Variants in KIAA1217 observed in about 807,000 individuals in gnomAD.
KIAA1217 encodes KIAA1217.
Under a neutral mutation model 163.9 loss-of-function variants are expected in KIAA1217, and 88 were observed. That is an observed-to-expected ratio of 0.54 (90% CI 0.45 to 0.64). KIAA1217 has a LOEUF of 0.64. Ranked by LOEUF, KIAA1217 falls within the 30% of genes least tolerant of loss-of-function variation. The probability of loss-of-function intolerance (pLI) is 0.00; values close to 1 mark genes in which losing one functional copy is unlikely to be tolerated. For missense variants in KIAA1217, 2,372 were observed against 2,475.0 expected (o/e 0.96, Z 0.88); for synonymous variants, 903 against 923.1 (o/e 0.98, Z 0.39).
intron 1 of KIAA1217, among the ~76,000 whole-genome samples, chr10:23,904,266 G>A (rs759504908): frequency 6.6e-6 from 1 of 152,122 alleles, no homozygotes; most frequent in African/African-American, 2.4e-5. Context: ...ATTGATGATG[G>A]CAATGAAATG....
At position 23,836,617 on chromosome 10, in the gene KIAA1217, C is replaced by A. The variant is rs144483489; in HGVS notation, c.-321+141383C>A. On this transcript the variant is annotated intron_variant, in intron 1 of 18. Transcript: ENST00000376462. ...AATGAGGTCTTGGTTTTTAGTGTATCCATCATTAGAATAACGCACATTTTA... is the reference window on the plus strand; with the variant it reads ...AATGAGGTCTTGGTTTTTAGTGTATACATCATTAGAATAACGCACATTTTA... 4.6e-3 allele frequency among the ~76,000 whole-genome samples: 696 copies of A among 151,268 alleles called. 5 individuals carry two copies. Among genetic ancestry groups the A allele is most frequent in the African/African-American group, 0.016 (647 of 41,198 alleles).
At chr10:23,814,286 G>C (rs1020472020) in intron 1 of KIAA1217, among the ~76,000 whole-genome samples, 1 of 152,224 alleles carries the variant, frequency 6.6e-6, no homozygotes, top group East Asian at 1.9e-4. Flanking sequence ...TAATCTCCTC[G>C]AGGGCAGGGA....
intron 1 of KIAA1217, among the ~76,000 whole-genome samples, chr10:23,909,653 A>C (rs1589057309): frequency 6.6e-6 from 1 of 152,154 alleles, no homozygotes; most frequent in Admixed American, 6.5e-5. Context: ...ATAGTATTCC[A>C]TGGTGTATAT....
intron 2 of KIAA1217, among the ~76,000 whole-genome samples, chr10:24,312,553 A>G: frequency 6.6e-6 from 1 of 152,132 alleles, no homozygotes; most frequent in East Asian, 1.9e-4. Flanking sequence ...TGGGAAGCGG[A>G]GGTTGCAGTG....
chr10:24,486,159 C>T (rs2065367693), intron 6 of KIAA1217, among the ~76,000 whole-genome samples: 2 of 152,202 alleles, frequency 1.3e-5, no homozygotes, highest in Admixed American at 1.3e-4. Context: ...CAGTGGTCTC[C>T]CAAGAGGTCT....
At chr10:24,313,142 C>T (rs1241495834) in intron 2 of KIAA1217, among the ~76,000 whole-genome samples, 1 of 152,174 alleles carries the variant, frequency 6.6e-6, no homozygotes, top group Non-Finnish European at 1.5e-5. Flanking sequence ...TCTCTCCTCA[C>T]CGCGATCTCT....
In KIAA1217 at chr10:24,473,948, A is replaced by G. The variant is rs761270219; in HGVS notation, c.1567A>G (p.Lys523Glu). 1.2e-6 allele frequency: 2 copies of G among 1,614,150 alleles called. No homozygotes were observed. The highest frequency in any genetic ancestry group is 3.3e-5 in the Admixed American group (2 of 60,018). The change falls in exon 6 of 21, where the codon AAG becomes GAG. Residue 523 changes from lysine to glutamate, a missense_variant. Physicochemically the swap from Lys to Glu is moderately conservative, Grantham distance 56 (BLOSUM62 1). This residue lies in a region of KIAA1217 where 1,431 missense variants were observed against 1,470.3 expected (regional missense o/e 0.97). Coordinates refer to ENST00000376454, the MANE Select transcript of KIAA1217 (RefSeq NM_019590.5). ...KEPGTLVYIEKPRSAAGLSSL... is the reference protein window; with the variant it reads ...KEPGTLVYIEEPRSAAGLSSL... ...GCCAGGCACCTTGGTGTATATAGAA[A>G]AGCCACGGAGCGCTGCAGGATTATC...
At chr10:23,732,639 T>G (rs1838538825) in intron 1 of KIAA1217, among the ~76,000 whole-genome samples, 1 of 152,196 alleles carries the variant, frequency 6.6e-6, no homozygotes. Context: ...GTTTCCAATT[T>G]CATTGATGTC....
intron 16 of KIAA1217, 91 bp downstream of exon 16, chr10:24,533,328 A>T: frequency 3.0e-6 from 4 of 1,312,838 alleles, no homozygotes; most frequent in Non-Finnish European, 4.2e-6. Flanking sequence ...CGAGAAGGCC[A>T]GGGAAGCGCA....
At chr10:23,760,562 T>A (rs957451941) in intron 1 of KIAA1217, among the ~76,000 whole-genome samples, 2 of 152,310 alleles carry the variant, frequency 1.3e-5, no homozygotes, top group East Asian at 3.9e-4. Context: ...AAGTGTTATT[T>A]TGCCAATGCT....
At chr10:23,766,257 C>G (rs934749245) in intron 1 of KIAA1217, among the ~76,000 whole-genome samples, 1 of 151,696 alleles carries the variant, frequency 6.6e-6, no homozygotes, top group East Asian at 1.9e-4. Flanking sequence ...AGAGTGGATA[C>G]AGCAAAAATT....
intron 5 of KIAA1217, among the ~76,000 whole-genome samples, chr10:24,464,805 A>G (rs939006122): frequency 6.6e-6 from 1 of 152,190 alleles, no homozygotes; most frequent in Admixed American, 6.5e-5. Flanking sequence ...ATATGGGATA[A>G]CATGTCGAAC....
intron 2 of KIAA1217, among the ~76,000 whole-genome samples, chr10:24,169,278 T>C (rs776561304): frequency 6.6e-6 from 1 of 152,212 alleles, no homozygotes; most frequent in Non-Finnish European, 1.5e-5. Context: ...TTATGAGGCC[T>C]CAATGGTTTG....
chr10:23,892,366 T>C (rs1481928148), intron 1 of KIAA1217, among the ~76,000 whole-genome samples: 2 of 151,950 alleles, frequency 1.3e-5, no homozygotes, highest in East Asian at 3.9e-4. Flanking sequence ...TCTTTAAACT[T>C]AGGGAAATAA....
intron 1 of KIAA1217, among the ~76,000 whole-genome samples, chr10:23,709,168 A>G (rs1244293464): frequency 6.6e-6 from 1 of 152,128 alleles, no homozygotes; most frequent in Non-Finnish European, 1.5e-5. Flanking sequence ...GCCACTTGAC[A>G]CTTTGGATAT....
intron 2 of KIAA1217, among the ~76,000 whole-genome samples, chr10:24,332,543 C>A (rs2045820021): frequency 6.6e-6 from 1 of 151,466 alleles, no homozygotes; most frequent in Non-Finnish European, 1.5e-5. Flanking sequence ...AAGAGCAACT[C>A]CTGTCAGACT....
At chr10:24,213,126 A>G (rs892783784) in intron 1 of KIAA1217, among the ~76,000 whole-genome samples, 1 of 152,176 alleles carries the variant, frequency 6.6e-6, no homozygotes, top group Admixed American at 6.5e-5. Flanking sequence ...TGAAGCTTCC[A>G]TGGCTGAATA....
At chr10:24,415,110 C>CTTTTT (rs71397948) in intron 3 of KIAA1217, among the ~76,000 whole-genome samples, 3 of 120,268 alleles carry the variant, frequency 2.5e-5, no homozygotes, top group East Asian at 2.4e-4. Context: ...TGATCTCTCT[C>CTTTTT]TTTTTTTTTT....
At chr10:24,008,437 GA>G (rs1847103044) in intron 2 of KIAA1217, among the ~76,000 whole-genome samples, 1 of 152,124 alleles carries the variant, frequency 6.6e-6, no homozygotes, top group African/African-American at 2.4e-5. Context: ...AGTGACGGTA[GA>G]AAGTTTGCAA....
Sources: gnomAD v4.1 joint callset for allele counts (sites outside exome capture counted in the v4.1 genomes callset) on GRCh38, gnomAD v4.1.1 for gene constraint, gnomAD v4.1.1 regional missense constraint, MANE v1.5 for transcripts, NCBI Gene and HGNC (gene_info 2026-07-23, HGNC 2026-07-21) for gene names.